AEBP2: variants seen among roughly 807,000 people sequenced by gnomAD.
AEBP2 encodes zinc finger protein AEBP2.
AEBP2 carries 10 observed loss-of-function variants against 50.8 expected under a neutral mutation model. The observed-to-expected ratio is 0.20, with a 90% CI of 0.12 to 0.33. AEBP2 has a LOEUF of 0.33. Ranked by LOEUF, AEBP2 falls within the 10% of genes least tolerant of loss-of-function variation. The pLI, the probability that AEBP2 is intolerant of heterozygous loss-of-function variation, is 1.00. For synonymous variants in AEBP2, 296 were observed against 261.3 expected, an observed-to-expected ratio of 1.13 and a Z score of -1.28; for missense variants, 570 against 688.0, an observed-to-expected ratio of 0.83 and a Z score of 1.92.
At chr12:19,439,091 C>G (rs1294064481), upstream of AEBP2, among the ~76,000 whole-genome samples, 1 of 152,148 alleles carries the variant, frequency 6.6e-6, no homozygotes, top group Non-Finnish European at 1.5e-5. Flanking sequence ...ACCTGTCGCC[C>G]TGTGTTGCGC....
At chr12:19,509,914 C>T (rs1238835048) in intron 5 of AEBP2, among the ~76,000 whole-genome samples, 1 of 130,228 alleles carries the variant, frequency 7.7e-6, no homozygotes, top group Non-Finnish European at 1.5e-5. Context: ...CTCACTGTAG[C>T]TTCCGCTGCC....
intron 5 of AEBP2, 148 bp downstream of exon 5, chr12:19,500,369 A>G: frequency 1.2e-6 from 1 of 814,098 alleles, no homozygotes; most frequent in South Asian, 2.5e-5. Context: ...AAAACATTGT[A>G]TTATTGGTTA....
chr12:19,447,225 C>T lies in AEBP2; in HGVS notation c.671+6855C>T, dbSNP rs375551212. On this transcript the variant is annotated intron_variant, in intron 1 of 7. Transcript: ENST00000266508. ...TCAGTATAGGTTTGTGAATCAAATT[C>T]TTTTTATTCTCTTCACTTTCTTTCT... Among the ~76,000 whole-genome samples the T allele has an allele frequency of 2.6e-5, 4 of 152,304 alleles. No individual in the cohort carries two copies. In the East Asian group the frequency reaches 7.7e-4, roughly 29 times the overall value.
intron 1 of AEBP2, among the ~76,000 whole-genome samples, chr12:19,453,035 C>G (rs1332029764): frequency 2.3e-5 from 3 of 130,642 alleles, no homozygotes; most frequent in African/African-American, 8.6e-5. Context: ...GTAGCATGAT[C>G]TCGGCTCATT....
chr12:19,450,430 A>C (rs1463904337), intron 1 of AEBP2, among the ~76,000 whole-genome samples: 1 of 150,538 alleles, frequency 6.6e-6, no homozygotes, highest in Non-Finnish European at 1.5e-5. Context: ...GAATGGGTCA[A>C]ATTTTATGTA....
rs577776383 is a variant in AEBP2, at chr12:19,493,402, A to T, written c.988-398A>T. Among the ~76,000 whole-genome samples, 4 of 152,336 alleles carry T rather than the reference A, an allele frequency of 2.6e-5. 1 individual carries two copies. Among genetic ancestry groups the T allele is most frequent in the African/African-American group, 9.6e-5 (4 of 41,574 alleles). On this transcript the variant is annotated intron_variant, in intron 3 of 7. Coordinates refer to ENST00000266508, the MANE Select transcript of AEBP2 (RefSeq NM_153207.5). ...GGCAATAACAATACGCTGTCTCAAA[A>T]AAATAAAAATAAAATTCAGGAATCC...
At chr12:19,468,126 T>TTGTATGTGTGTGTG (rs1948511502) in intron 2 of AEBP2, among the ~76,000 whole-genome samples, 1 of 143,956 alleles carries the variant, frequency 6.9e-6, no homozygotes, top group Non-Finnish European at 1.5e-5. Flanking sequence ...CTGCCTGACT[T>TTGTATGTGTGTGTG]TGTGTGTGTG....
At chr12:19,408,568 G>A (rs1034333338) in intron 1 of AEBP2, among the ~76,000 whole-genome samples, 1 of 151,232 alleles carries the variant, frequency 6.6e-6, no homozygotes, top group African/African-American at 2.4e-5. Flanking sequence ...GCGTTTTCTC[G>A]TATACACTTT....
At chr12:19,474,930 T>C (rs1409810441) in intron 3 of AEBP2, among the ~76,000 whole-genome samples, 1 of 152,144 alleles carries the variant, frequency 6.6e-6, no homozygotes, top group Non-Finnish European at 1.5e-5. Context: ...GTAGCTGGGA[T>C]TACCGGCATG....
chr12:19,480,587 A>ATT (rs146889553), intron 3 of AEBP2, among the ~76,000 whole-genome samples: 3,877 of 152,240 alleles, frequency 0.025, 49 homozygotes, highest in East Asian at 0.042. Flanking sequence ...GCTGATAATT[A>ATT]TTGTTTCAGG....
chr12:19,448,352 G>A (rs538731132), intron 1 of AEBP2, among the ~76,000 whole-genome samples: 273 of 152,216 alleles, frequency 1.8e-3, no homozygotes, highest in Middle Eastern at 0.01. Context: ...CAAAAATTAG[G>A]CGCATGCCTG....
chr12:19,509,795 A>G (rs1949206059), intron 5 of AEBP2, among the ~76,000 whole-genome samples: 2 of 145,010 alleles, frequency 1.4e-5, no homozygotes, highest in African/African-American at 5.1e-5. Flanking sequence ...TTTTACTTCG[A>G]TAATATTAGT....
In AEBP2 at chr12:19,440,406, C is replaced by T. The variant is rs760970280; in HGVS notation, c.671+36C>T. The stretch of plus-strand genomic sequence containing the variant: ...TGAAGCGTTTCCCCTTCCCTTCCTC[C>T]TCTTGAACTCCCGGGCCCCTCAGAG... On this transcript the variant is annotated intron_variant, in intron 1 of 7. Transcript: ENST00000266508. The T allele has an allele frequency of 3.2e-5, 47 of 1,461,350 alleles. No homozygotes were observed. The East Asian group carries it at 9.4e-4, about 29-fold the overall frequency. 90.5% of individuals were successfully genotyped at this position (1,461,350 alleles called of 1,614,324 possible).
At chr12:19,431,079 A>G (rs1347968030) in intron 1 of AEBP2, among the ~76,000 whole-genome samples, 5 of 152,108 alleles carry the variant, frequency 3.3e-5, no homozygotes. Context: ...TAGACATGAC[A>G]AAATAGATAT....
rs1048006056 is a variant in AEBP2, at chr12:19,440,795, G to T, written c.671+425G>T. On this transcript the variant is annotated intron_variant, in intron 1 of 7. Transcript: ENST00000266508. ...ACAATTGACAAGTGTTTCCAATATG[G>T]CTGGTCTCGCCTGGATTTAACAGAA... 7 of 1,526,068 alleles carry T rather than the reference G, an allele frequency of 4.6e-6. No individual in the cohort carries two copies. In the African/African-American group the frequency reaches 9.6e-5, roughly 21 times the overall value. 94.5% of individuals were successfully genotyped at this position (1,526,068 alleles called of 1,614,324 possible). A position where few individuals can be genotyped will look rare whatever the true frequency, so the allele number is the denominator to read the frequency against.
chr12:19,424,931 C>A (rs569881737), intron 1 of AEBP2, among the ~76,000 whole-genome samples: 7 of 152,156 alleles, frequency 4.6e-5, no homozygotes, highest in African/African-American at 1.7e-4. Context: ...ATCACTTGAA[C>A]CCAGGAGGTG....
upstream of AEBP2, among the ~76,000 whole-genome samples, chr12:19,437,449 C>A (rs547278510): frequency 6.6e-6 from 1 of 152,242 alleles, no homozygotes; most frequent in East Asian, 1.9e-4. Flanking sequence ...TCATGGCTCA[C>A]TGCAGCCTCA....
In AEBP2 at chr12:19,518,156, AC is replaced by A; in HGVS notation, c.*41del. Reference sequence around the variant, plus strand: ...ACATAAAAAGCAAACAAGCGGGGACACCTGCAGTCTTAGTCACTGACAATGG... The same window carrying A: ...ACATAAAAAGCAAACAAGCGGGGACACTGCAGTCTTAGTCACTGACAATGG... On this transcript the variant is annotated 3_prime_UTR_variant, in exon 8 of 8. Transcript: ENST00000266508. 1.3e-6 allele frequency: 2 copies of A among 1,570,764 alleles called. No homozygotes were observed. Among genetic ancestry groups the A allele is most frequent in the Non-Finnish European group, 1.7e-6 (2 of 1,158,794 alleles).
rs979507381 is a variant in AEBP2 at position 19,521,380 on chromosome 12, T to A, written c.*3263T>A. ...GGTGGGTTTTTAAAGTTATTAATAG[T>A]CCATCATTTCATCATTTGTGTTTCT... On this transcript the variant is annotated 3_prime_UTR_variant, in exon 8 of 8. Transcript: ENST00000266508. 1.3e-5 allele frequency: 2 copies of A among 152,288 alleles called. No individual in the cohort carries two copies. The highest frequency in any genetic ancestry group is 4.8e-5 in the African/African-American group (2 of 41,568). The allele number at this position is 152,288 out of a possible 1,614,324, so 9.4% of individuals were successfully genotyped here. A position where few individuals can be genotyped will look rare whatever the true frequency, so the allele number is the denominator to read the frequency against.
Sources: allele counts gnomAD v4.1 joint callset (sites outside exome capture counted in the v4.1 genomes callset), GRCh38; gene constraint gnomAD v4.1.1; transcripts MANE v1.5; gene names NCBI Gene and HGNC (gene_info 2026-07-23, HGNC 2026-07-21).